Variants in ARL10 observed in about 807,000 individuals in gnomAD.
The protein encoded by ARL10 is ARF like GTPase 10.
ARL10 carries 23 observed loss-of-function variants against 26.1 expected under a neutral mutation model. The observed-to-expected ratio is 0.88, with a 90% confidence interval of 0.63 to 1.25. The LOEUF (loss-of-function observed/expected upper bound fraction) is 1.25, where lower values mean the gene tolerates loss of function less well. ARL10 is among the 50% of genes most tolerant of loss of function. The pLI is 0.00. For missense variants in ARL10, 300 were observed against 323.6 expected (o/e 0.93, Z 0.56); for synonymous variants, 138 against 149.1 (o/e 0.93, Z 0.54).
At chr5:176,383,896 C>A, downstream of ARL10, 2 of 1,372,258 alleles carry the variant, frequency 1.5e-6, no homozygotes, top group South Asian at 1.5e-5. Flanking sequence ...TTCACCGGGG[C>A]AGCCCCAGGG....
At chr5:176,389,050 G>T (rs1756142403), downstream of ARL10, 1 of 1,560,326 alleles carries the variant, frequency 6.4e-7, no homozygotes, top group South Asian at 1.1e-5. Flanking sequence ...GGACCAGAGC[G>T]CTAGCGGGGA....
downstream of ARL10, chr5:176,392,785 G>C (rs145737672): frequency 4.3e-6 from 7 of 1,614,136 alleles, no homozygotes; most frequent in African/African-American, 2.7e-5. The surrounding 1 kb of genome is among the most constrained non-coding windows in gnomAD (Gnocchi z 5.2). Flanking sequence ...TAGCGGGACA[G>C]TGGCGTCTGC....
At chr5:176,396,374 G>T in intron 1 of ARL10, 2 of 1,061,014 alleles carry the variant, frequency 1.9e-6, no homozygotes, top group South Asian at 1.3e-5. Context: ...CCATTGCTCC[G>T]AGCCCAGCCA....
downstream of ARL10, chr5:176,389,920 C>G (rs1234513399): frequency 6.2e-6 from 1 of 161,300 alleles, no homozygotes; most frequent in African/African-American, 2.4e-5. Context: ...CAGTGGCTCA[C>G]ACCTGTAATC....
In ARL10 at chr5:176,374,728, A is replaced by T. The variant is rs565130416; in HGVS notation, c.*2833A>T. On this transcript the variant is annotated 3_prime_UTR_variant, in exon 4 of 4. Coordinates refer to ENST00000310389, the MANE Select transcript of ARL10 (RefSeq NM_173664.6). ...TTTTTAGTTAGCTTTTGGTAACACA[A>T]GTCATGGTGATTGGGATACCCACTA... 10 of 152,362 alleles carry T rather than the reference A, an allele frequency of 6.6e-5. No individual in the cohort carries two copies. The highest frequency in any genetic ancestry group is 2.2e-4 in the African/African-American group (9 of 41,594). 9.4% of individuals were successfully genotyped at this position (152,362 alleles called of 1,614,324 possible).
rs933075505 is a variant in ARL10, at chr5:176,376,964, A to T, written c.*5069A>T. The stretch of plus-strand genomic sequence containing the variant: ...TTTGATGGTCCTCTGTGGGTCACAG[A>T]AAGTTTATTTTATTTTGTCAAAATA... On this transcript the variant is annotated 3_prime_UTR_variant, in exon 4 of 4. Coordinates refer to ENST00000310389, the MANE Select transcript of ARL10 (RefSeq NM_173664.6). 2 of 152,200 alleles carry T rather than the reference A, an allele frequency of 1.3e-5. No individual in the cohort carries two copies. The highest frequency in any genetic ancestry group is 6.5e-5 in the Admixed American group (1 of 15,272). 9.4% of individuals were successfully genotyped at this position (152,200 alleles called of 1,614,324 possible).
downstream of ARL10, chr5:176,384,212 C>T: frequency 6.2e-7 from 1 of 1,614,172 alleles, no homozygotes; most frequent in South Asian, 1.1e-5. Context: ...CAGCCTGGGG[C>T]AGCTGTGATG....
chr5:176,366,365 T>C lies in ARL10; in HGVS notation c.184-15T>C. ...GGAGGCCGCCAGCCGCAACCTTACC[T>C]CCGCTTCCCCGCAGCCCGAGGACGA... On this transcript the variant is annotated splice_polypyrimidine_tract_variant and intron_variant, in intron 1 of 3. Transcript: ENST00000310389. 6.3e-7 allele frequency: 1 copy of C among 1,599,562 alleles called. No individual in the cohort carries two copies. The highest frequency in any genetic ancestry group is 1.1e-5 in the South Asian group (1 of 89,868).
At chr5:176,385,429 C>A (rs1245013549), downstream of ARL10, 4 of 720,404 alleles carry the variant, frequency 5.6e-6, no homozygotes, top group Admixed American at 8.4e-5. Flanking sequence ...GCCACAAGAC[C>A]CACCACACCA....
chr5:176,368,856 G>A lies in ARL10; in HGVS notation c.435G>A (p.Glu145=). ...LRFYWKEFVS[E]VDVLVFVVDS... ...TCTACTGGAAGGAGTTTGTGAGCGA[G>A]GTGGATGTGCTGGTGTTTGTGGTGG... Residue 145 remains glutamate (E), a synonymous_variant, in exon 3 of 4, where the codon GAG becomes GAA. Coordinates refer to ENST00000310389, the MANE Select transcript of ARL10 (RefSeq NM_173664.6). This position sits in a 1 kb window ranked among gnomAD's most constrained non-coding sequence, Gnocchi z 4.1. The A allele has an allele frequency of 6.2e-7, 1 of 1,614,184 alleles. No homozygotes were observed.
downstream of ARL10, chr5:176,382,009 AC>A (rs1755567200): frequency 6.6e-6 from 1 of 152,260 alleles, no homozygotes; most frequent in Non-Finnish European, 1.5e-5. Flanking sequence ...TGATACTGGT[AC>A]AGAATGTAGG....
At chr5:176,383,993 C>T (rs754441959), downstream of ARL10, 4 of 1,535,172 alleles carry the variant, frequency 2.6e-6, no homozygotes, top group Non-Finnish European at 3.5e-6. Context: ...ACATCACCCA[C>T]CCTGAAAACA....
In ARL10 at chr5:176,375,267, TCCACCCA is replaced by T. The variant is rs1348935571; in HGVS notation, c.*3373_*3379del. The stretch of plus-strand genomic sequence containing the variant: ...ATCCATCCTTCCATCCATCCACCCA[TCCACCCA>T]TCCATCCATCCACCCATCCATCCAT... On this transcript the variant is annotated 3_prime_UTR_variant, in exon 4 of 4. Transcript: ENST00000310389. 1.8e-4 allele frequency: 21 copies of T among 119,892 alleles called. No individual in the cohort carries two copies. The highest frequency in any genetic ancestry group is 4.4e-4 in the Admixed American group (5 of 11,274). 7.4% of individuals were successfully genotyped at this position (119,892 alleles called of 1,614,324 possible).
chr5:176,401,612 G>A, intron 1 of ARL10: 2 of 403,610 alleles, frequency 5.0e-6, no homozygotes, highest in Non-Finnish European at 1.0e-5. Context: ...ATGGCATCGA[G>A]ACCTCAGCCT....
At chr5:176,389,565 A>G, downstream of ARL10, 2 of 1,490,998 alleles carry the variant, frequency 1.3e-6, no homozygotes, top group Admixed American at 4.0e-5. Context: ...CACTGGCCCT[A>G]CCGTGGGACT....
At position 176,375,263 on chromosome 5, in the gene ARL10, CCCATCCACCCATCCAT is replaced by C. The variant is rs1768663562; in HGVS notation, c.*3392_*3407del. On this transcript the variant is annotated 3_prime_UTR_variant, in exon 4 of 4. Transcript: ENST00000310389. ...ATCCATCCATCCTTCCATCCATCCA[CCCATCCACCCATCCAT>C]CCATCCACCCATCCATCCATCCATC... 2 of 70,054 alleles carry C rather than the reference CCCATCCACCCATCCAT, an allele frequency of 2.9e-5. No homozygotes were observed. The highest frequency in any genetic ancestry group is 1.6e-4 in the Admixed American group (1 of 6,062). 4.3% of individuals were successfully genotyped at this position (70,054 alleles called of 1,614,324 possible).
rs1456665111 is a variant in ARL10 at position 176,373,119 on chromosome 5, T to G, written c.*1224T>G. The G allele has an allele frequency of 2.5e-6, 1 of 398,392 alleles. No individual in the cohort carries two copies. Among genetic ancestry groups the G allele is most frequent in the Non-Finnish European group, 4.4e-6 (1 of 226,058 alleles). The allele number at this position is 398,392 out of a possible 1,614,324, so 24.7% of individuals were successfully genotyped here. ...AATGACTCTGGGAGAGGATTTCCCT[T>G]ATGTGAATCTAGGTAAAAAGATGGA... On this transcript the variant is annotated 3_prime_UTR_variant, in exon 4 of 4. Transcript: ENST00000310389.
downstream of ARL10, chr5:176,393,014 T>TGGGCAAAGCA: frequency 6.4e-7 from 1 of 1,573,918 alleles, no homozygotes; most frequent in Non-Finnish European, 8.7e-7. The surrounding 1 kb of genome is among the most constrained non-coding windows in gnomAD (Gnocchi z 4.4). Flanking sequence ...TGAGCAAGGC[T>TGGGCAAAGCA]GCTTTGCCCA....
At chr5:176,394,227 C>T (rs1756385207) in intron 1 of ARL10, among the ~76,000 whole-genome samples, 1 of 152,240 alleles carries the variant, frequency 6.6e-6, no homozygotes, top group African/African-American at 2.4e-5. Context: ...TCCAGAGGCT[C>T]CCCTCTGTCC....
Sources: gnomAD v4.1 joint callset for allele counts (sites outside exome capture counted in the v4.1 genomes callset) on GRCh38, gnomAD v4.1.1 for gene constraint, Gnocchi (gnomAD v3.1) non-coding constraint, MANE v1.5 for transcripts, NCBI Gene and HGNC (gene_info 2026-07-23, HGNC 2026-07-21) for gene names.